The following WDR25 variants were observed in gnomAD, a reference collection of about 807,000 sequenced individuals.
WDR25 encodes WD repeat domain 25, also known as WD repeat-containing protein 25.
WDR25 carries 35 observed loss-of-function variants against 47.7 expected under a neutral mutation model. That is an observed-to-expected ratio of 0.73 (90% confidence interval 0.56 to 0.97). WDR25 has a LOEUF of 0.97. Ranked by LOEUF, WDR25 falls within the 50% of genes least tolerant of loss-of-function variation. The pLI is 0.00. For synonymous variants in WDR25, 248 were observed against 278.9 expected, an observed-to-expected ratio of 0.89 and a Z score of 1.10; for missense variants, 634 against 704.7, an observed-to-expected ratio of 0.90 and a Z score of 1.14.
intron 4 of WDR25, among the ~76,000 whole-genome samples, chr14:100,491,824 G>A (rs1900576965): frequency 1.3e-5 from 2 of 152,212 alleles, no homozygotes; most frequent in Admixed American, 6.5e-5. Context: ...GGTGGGTTTT[G>A]TTCTGAGGGA....
chr14:100,408,929 A>G (rs3736825), intron 2 of WDR25, among the ~76,000 whole-genome samples: 28,862 of 152,204 alleles, frequency 0.19, 2,887 homozygotes, highest in Non-Finnish European at 0.21. Context: ...TTATTTTTCC[A>G]TTACAGTGTT....
chr14:100,456,090 G>A (rs1461238505), intron 2 of WDR25, among the ~76,000 whole-genome samples: 3 of 152,318 alleles, frequency 2.0e-5, no homozygotes, highest in South Asian at 2.1e-4. Context: ...AGGCATGGTG[G>A]TGCATGCCTG....
At chr14:100,519,054 C>G (rs1011083410) in intron 4 of WDR25, among the ~76,000 whole-genome samples, 5 of 152,094 alleles carry the variant, frequency 3.3e-5, no homozygotes, top group African/African-American at 1.2e-4. Context: ...CTATGTACTG[C>G]CTTAATCCAG....
At chr14:100,405,372 G>C (rs1378896679) in intron 2 of WDR25, among the ~76,000 whole-genome samples, 1 of 152,122 alleles carries the variant, frequency 6.6e-6, no homozygotes, top group East Asian at 1.9e-4. Flanking sequence ...TGTAGGCCAG[G>C]CTGGTCTCCA....
intron 2 of WDR25, among the ~76,000 whole-genome samples, chr14:100,466,078 A>C (rs568252267): frequency 3.9e-5 from 6 of 152,318 alleles, no homozygotes; most frequent in Admixed American, 3.9e-4. Flanking sequence ...ATTTTTGGAA[A>C]ACAGCAGTTC....
At chr14:100,455,699 T>G (rs1261306236) in intron 2 of WDR25, among the ~76,000 whole-genome samples, 1 of 152,192 alleles carries the variant, frequency 6.6e-6, no homozygotes, top group African/African-American at 2.4e-5. Context: ...TGTGAAAAAC[T>G]ACTCACTCTT....
intron 2 of WDR25, among the ~76,000 whole-genome samples, chr14:100,459,878 G>A (rs1243877981): frequency 2.1e-5 from 2 of 95,756 alleles, no homozygotes; most frequent in South Asian, 3.8e-4. Flanking sequence ...ATATATATCC[G>A]TATATGTGTG....
Position 100,495,616 on chromosome 14 carries a change from C to T in WDR25, c.1101+11492C>T, listed in dbSNP as rs185432380. On this transcript the variant is annotated intron_variant, in intron 4 of 6. Coordinates refer to ENST00000402312, the MANE Select transcript of WDR25 (RefSeq NM_001161476.3). ...GCCCTGGTTCCTGTGGAAATTTCTG[C>T]TCCAATGCATTGTGATTGTTTATTC... Among the ~76,000 whole-genome samples the T allele has an allele frequency of 2.6e-5, 4 of 152,316 alleles. No homozygotes were observed. The East Asian group carries it at 7.7e-4, about 29-fold the overall frequency.
Position 100,377,998 on chromosome 14 carries a change from G to A in WDR25, c.-16+1503G>A, listed in dbSNP as rs986401556. On this transcript the variant is annotated intron_variant, in intron 1 of 6. Coordinates refer to ENST00000402312, the MANE Select transcript of WDR25 (RefSeq NM_001161476.3). The stretch of plus-strand genomic sequence containing the variant: ...TTGGAAGTCGGTCTATTGCCTGAGC[G>A]TTCTGTGCTGTTCCACCGCGCCCTC... Among the ~76,000 whole-genome samples the A allele has an allele frequency of 3.3e-5, 5 of 151,810 alleles. No homozygotes were observed. The East Asian group carries it at 5.8e-4, about 18-fold the overall frequency.
Position 100,468,297 on chromosome 14 carries a change from T to C in WDR25, c.970+129T>C. The stretch of plus-strand genomic sequence containing the variant: ...GAGGGAGAGGGGCCTCAGGGTGGGC[T>C]CGTGCTCGGTGAGAGGGCTTCCAGA... On this transcript the variant is annotated intron_variant, in intron 3 of 6. Transcript: ENST00000402312. The surrounding 1 kb of genome is among the most constrained non-coding windows in gnomAD (Gnocchi z 4.5). 3 of 1,369,830 alleles carry C rather than the reference T, an allele frequency of 2.2e-6. No homozygotes were observed. The highest frequency in any genetic ancestry group is 2.8e-5 in the South Asian group (2 of 70,764). The allele number at this position is 1,369,830 out of a possible 1,614,324, so 84.9% of individuals were successfully genotyped here.
chr14:100,405,122 C>T (rs950858402), intron 2 of WDR25, among the ~76,000 whole-genome samples: 1 of 151,778 alleles, frequency 6.6e-6, no homozygotes, highest in East Asian at 1.9e-4. Flanking sequence ...AAAGCTTCAA[C>T]AAGGATGCTG....
chr14:100,479,145 C>T (rs987042406), intron 3 of WDR25, among the ~76,000 whole-genome samples: 8 of 152,156 alleles, frequency 5.3e-5, no homozygotes, highest in Admixed American at 4.6e-4. Context: ...TGGTCCCTGC[C>T]TGCAGTCTCC....
At chr14:100,439,431 C>G (rs892217000) in intron 2 of WDR25, among the ~76,000 whole-genome samples, 4 of 152,220 alleles carry the variant, frequency 2.6e-5, no homozygotes, top group Admixed American at 2.6e-4. Context: ...TACAGCACGG[C>G]CCGCCCACAG....
intron 4 of WDR25, among the ~76,000 whole-genome samples, chr14:100,496,101 C>A (rs537407131): frequency 3.3e-5 from 5 of 152,190 alleles, no homozygotes; most frequent in Admixed American, 6.5e-5. Flanking sequence ...TTTTCCATAT[C>A]CTCACCAGCA....
At chr14:100,476,924 A>C (rs1446099987) in intron 3 of WDR25, among the ~76,000 whole-genome samples, 4 of 152,138 alleles carry the variant, frequency 2.6e-5, no homozygotes, top group Admixed American at 1.3e-4. Flanking sequence ...CGAAATACCT[A>C]TTATGTGCCA....
At chr14:100,445,474 CA>C (rs1396140598) in intron 2 of WDR25, among the ~76,000 whole-genome samples, 1 of 151,982 alleles carries the variant, frequency 6.6e-6, no homozygotes, top group African/African-American at 2.4e-5. Flanking sequence ...ATAAAACTCA[CA>C]CCAAGGGTTT....
intron 4 of WDR25, among the ~76,000 whole-genome samples, chr14:100,520,079 C>CAT (rs1340208556): frequency 3.1e-4 from 32 of 102,472 alleles, no homozygotes; most frequent in Admixed American, 5.4e-4. Flanking sequence ...TGTGTGTGTG[C>CAT]ATATATATAT....
intron 2 of WDR25, among the ~76,000 whole-genome samples, chr14:100,403,640 T>C (rs568849213): frequency 6.6e-6 from 1 of 152,288 alleles, no homozygotes; most frequent in East Asian, 1.9e-4. Context: ...AGATGGAAAA[T>C]GAATATGTAT....
intron 4 of WDR25, among the ~76,000 whole-genome samples, chr14:100,520,752 T>C (rs1224753517): frequency 3.9e-5 from 6 of 152,010 alleles, no homozygotes. Context: ...GAGGAGAAGG[T>C]TTACAAGCAT....
Sources: gnomAD v4.1 joint callset for allele counts (sites outside exome capture counted in the v4.1 genomes callset) on GRCh38, gnomAD v4.1.1 for gene constraint, Gnocchi (gnomAD v3.1) non-coding constraint, MANE v1.5 for transcripts, NCBI Gene and HGNC (gene_info 2026-07-23, HGNC 2026-07-21) for gene names.